The following DGKD variants were observed in gnomAD, a reference collection of about 807,000 sequenced individuals.
The protein encoded by DGKD is diacylglycerol kinase delta.
Under a neutral mutation model 154.4 loss-of-function variants are expected in DGKD, and 68 were observed. The ratio of observed to expected loss-of-function variants is 0.44; its 90% CI spans 0.36 to 0.54. DGKD has a LOEUF of 0.54. DGKD is among the 20% of genes least tolerant of loss of function. DGKD has a pLI of 0.00. For synonymous variants in DGKD, 693 were observed against 638.0 expected (o/e 1.09, Z -1.30); for missense variants, 1,343 against 1,593.6 (o/e 0.84, Z 2.68).
rs376039776 is a variant in DGKD at position 233,462,521 on chromosome 2, C to G, written c.3093+62C>G. Reference sequence around the variant, plus strand: ...CAGTGTCTGCCGCCCTCGGCCCTCCCCGTGCGTGTTCATTCCCCCGCCTCC... The same window carrying G: ...CAGTGTCTGCCGCCCTCGGCCCTCCGCGTGCGTGTTCATTCCCCCGCCTCC... On this transcript the variant is annotated intron_variant, in intron 25 of 29. Transcript: ENST00000264057. 8.8e-5 allele frequency: 136 copies of G among 1,543,970 alleles called. 1 individual carries two copies. In the East Asian group the frequency reaches 2.1e-3, roughly 24 times the overall value.
intron 1 of DGKD, among the ~76,000 whole-genome samples, chr2:233,372,955 A>G (rs772899762): frequency 1.3e-5 from 2 of 152,224 alleles, no homozygotes; most frequent in African/African-American, 2.4e-5. Flanking sequence ...CCAGTGTCCA[A>G]GTCCAGCTTA....
intron 27 of DGKD, among the ~76,000 whole-genome samples, chr2:233,465,574 A>G (rs1430145568): frequency 6.6e-6 from 1 of 152,158 alleles, no homozygotes; most frequent in Non-Finnish European, 1.5e-5. Context: ...CAACATAGTG[A>G]GACCCTGTCT....
intron 1 of DGKD, among the ~76,000 whole-genome samples, chr2:233,361,427 T>C (rs1701776096): frequency 6.6e-6 from 1 of 152,034 alleles, no homozygotes; most frequent in Non-Finnish European, 1.5e-5. Context: ...CTTTCACGAG[T>C]CTGTTTGTAC....
Position 233,377,026 on chromosome 2 carries a change from CACAA to C in DGKD, c.157-11226_157-11223del, listed in dbSNP as rs766017591. On this transcript the variant is annotated intron_variant, in intron 1 of 29. Coordinates refer to ENST00000264057, the MANE Select transcript of DGKD (RefSeq NM_152879.3). ...AAAAACTAAGTTTATCTTCTTCACA[CACAA>C]ACAATGTCCTCCTTTTTACAAAAAG... Among the ~76,000 whole-genome samples the C allele has an allele frequency of 3.4e-3, 517 of 150,664 alleles. 1 individual carries two copies. The highest frequency in any genetic ancestry group is 4.6e-3 in the Non-Finnish European group (313 of 67,820).
chr2:233,446,851 TC>T, intron 12 of DGKD, 55 bp downstream of exon 12: 3 of 1,595,278 alleles, frequency 1.9e-6, no homozygotes, highest in Non-Finnish European at 1.7e-6. Flanking sequence ...ATCAGAACTG[TC>T]CTGTCAGCGG....
intron 1 of DGKD, among the ~76,000 whole-genome samples, chr2:233,359,297 A>C (rs553289539): frequency 1.9e-4 from 29 of 152,316 alleles, no homozygotes; most frequent in African/African-American, 7.0e-4. Context: ...GTGAAAGTAA[A>C]TGTTAACTCT....
At chr2:233,415,442 C>A (rs929654749) in intron 3 of DGKD, among the ~76,000 whole-genome samples, 2 of 152,186 alleles carry the variant, frequency 1.3e-5, no homozygotes, top group African/African-American at 4.8e-5. Flanking sequence ...CCATTGCTGT[C>A]TCTAGCTGCA....
In DGKD at chr2:233,464,043, G is replaced by T. The variant is rs146345591; in HGVS notation, c.3187-121G>T. 54 of 1,390,618 alleles carry T rather than the reference G, an allele frequency of 3.9e-5. No individual in the cohort carries two copies. The African/African-American group carries it at 6.4e-4, about 17-fold the overall frequency. The allele number at this position is 1,390,618 out of a possible 1,614,324, so 86.1% of individuals were successfully genotyped here. A position where few individuals can be genotyped will look rare whatever the true frequency, so the allele number is the denominator to read the frequency against. ...CTGGTGCTCTGGGACTTCGTTTCTGGAAAGTGAGCTCCCTGATCAGAGCAG... is the reference window on the plus strand; with the variant it reads ...CTGGTGCTCTGGGACTTCGTTTCTGTAAAGTGAGCTCCCTGATCAGAGCAG... On this transcript the variant is annotated intron_variant, in intron 26 of 29. Transcript: ENST00000264057.
Position 233,437,361 on chromosome 2 carries a change from G to A in DGKD, c.820-16G>A. 1 of 1,612,524 alleles carries A rather than the reference G, an allele frequency of 6.2e-7. No individual in the cohort carries two copies. Among genetic ancestry groups the A allele is most frequent in the African/African-American group, 1.3e-5 (1 of 75,032 alleles). ...GATGCCAGTGACCCTTGGTGACGCG[G>A]GGACTCTTGTTTCAGGTTCACACAT... On this transcript the variant is annotated splice_polypyrimidine_tract_variant and intron_variant, in intron 7 of 29. Transcript: ENST00000264057.
In DGKD at chr2:233,445,606, C is replaced by A; in HGVS notation, c.1195-17C>A. ...CCCCAGGTGTTTGCCTGCGCATCGT[C>A]CCCCATGTTTCCTTAGTGTCAGCTG... On this transcript the variant is annotated splice_polypyrimidine_tract_variant and intron_variant, in intron 10 of 29. Transcript: ENST00000264057. This position sits in a 1 kb window ranked among gnomAD's most constrained non-coding sequence, Gnocchi z 5.5. The A allele has an allele frequency of 1.3e-6, 2 of 1,593,526 alleles. No individual in the cohort carries two copies. The highest frequency in any genetic ancestry group is 1.3e-5 in the African/African-American group (1 of 74,174).
chr2:233,386,049 T>C (rs1464836433), intron 1 of DGKD: 5 of 464,082 alleles, frequency 1.1e-5, no homozygotes, highest in African/African-American at 2.0e-5. Flanking sequence ...TTAATTTTGC[T>C]TTTCTTTTAT....
At chr2:233,467,386 C>T (rs979252754) in intron 28 of DGKD, among the ~76,000 whole-genome samples, 183 bp downstream of exon 28, 6 of 152,232 alleles carry the variant, frequency 3.9e-5, no homozygotes, top group Admixed American at 2.6e-4. Flanking sequence ...CTGCCTGCTT[C>T]CCCTCTGACC....
intron 3 of DGKD, among the ~76,000 whole-genome samples, chr2:233,411,593 A>C (rs550582786): frequency 6.6e-6 from 1 of 152,260 alleles, no homozygotes. Context: ...TGTCTGATAC[A>C]TGTGTTGTGA....
rs751828995 is a variant in DGKD, at chr2:233,460,184, G to A, written c.2830-10G>A. 14 of 1,613,278 alleles carry A rather than the reference G, an allele frequency of 8.7e-6. No homozygotes were observed. Among genetic ancestry groups the A allele is most frequent in the Non-Finnish European group, 1.7e-6 (2 of 1,179,576 alleles). On this transcript the variant is annotated splice_polypyrimidine_tract_variant and intron_variant, in intron 23 of 29. Coordinates refer to ENST00000264057, the MANE Select transcript of DGKD (RefSeq NM_152879.3). ...GAGCAGCAGGTGTAATTGGGCTTTC[G>A]GGTCCATAGGCATTTGAGAGCACCC...
At position 233,413,842 on chromosome 2, in the gene DGKD, A is replaced by G. The variant is rs538457783; in HGVS notation, c.349-20538A>G. Among the ~76,000 whole-genome samples, 72 of 152,326 alleles carry G rather than the reference A, an allele frequency of 4.7e-4. No homozygotes were observed. The South Asian group carries it at 6.0e-3, about 13-fold the overall frequency. ...AGACCCTCTGAGTCAGGGCTTGCCA[A>G]TGGAAAAAATATTTTCAACCTTTTT... On this transcript the variant is annotated intron_variant, in intron 3 of 29. Transcript: ENST00000264057.
chr2:233,416,440 T>C (rs1349990908), intron 3 of DGKD, among the ~76,000 whole-genome samples: 1 of 151,848 alleles, frequency 6.6e-6, no homozygotes, highest in Non-Finnish European at 1.5e-5. Flanking sequence ...ATTGTATTGC[T>C]TAGTCAGGTT....
chr2:233,466,249 T>G (rs1409919593), intron 27 of DGKD, among the ~76,000 whole-genome samples: 1 of 151,518 alleles, frequency 6.6e-6, no homozygotes, highest in Non-Finnish European at 1.5e-5. Context: ...CTACTGAAAT[T>G]TTTTTTGTCT....
intron 2 of DGKD, among the ~76,000 whole-genome samples, chr2:233,389,958 C>T (rs1456978342): frequency 2.0e-5 from 3 of 152,230 alleles, no homozygotes; most frequent in African/African-American, 7.2e-5. Context: ...GACCTTCCCC[C>T]TCCATGTGCT....
In DGKD at chr2:233,402,588, C is replaced by T. The variant is rs566091755; in HGVS notation, c.348+12105C>T. On this transcript the variant is annotated intron_variant, in intron 3 of 29. Transcript: ENST00000264057. The stretch of plus-strand genomic sequence containing the variant: ...TGGCAAGCCCCGCTGAAGAGGTGCT[C>T]ACTATTGTGGACCCCTCTGTGGGCC... 3.9e-5 allele frequency among the ~76,000 whole-genome samples: 6 copies of T among 152,310 alleles called. No individual in the cohort carries two copies. In the South Asian group the frequency reaches 1.2e-3, roughly 32 times the overall value.
Sources: allele counts gnomAD v4.1 joint callset (sites outside exome capture counted in the v4.1 genomes callset), GRCh38; gene constraint gnomAD v4.1.1; non-coding constraint Gnocchi (gnomAD v3.1); transcripts MANE v1.5; gene names NCBI Gene and HGNC (gene_info 2026-07-23, HGNC 2026-07-21).